Variants in INPP4A observed in about 807,000 individuals in gnomAD.
INPP4A encodes the protein inositol polyphosphate-4-phosphatase, type I, 107kD.
In INPP4A, 33 loss-of-function variants were observed where a neutral mutation model predicts 119.8. The ratio of observed to expected loss-of-function variants is 0.28; its 90% confidence interval spans 0.21 to 0.37. The LOEUF is 0.37. INPP4A is among the 10% of genes least tolerant of loss of function. The pLI is 1.00. For synonymous variants in INPP4A, 496 were observed against 500.7 expected (o/e 0.99, Z 0.12); for missense variants, 956 against 1,289.9 (o/e 0.74, Z 3.97).
intron 1 of INPP4A, among the ~76,000 whole-genome samples, chr2:98,460,131 GTA>G (rs1491045615): frequency 4.0e-4 from 56 of 139,398 alleles, no homozygotes; most frequent in South Asian, 1.1e-3. Flanking sequence ...GTGTGTGTGT[GTA>G]TGTTTAAAAT....
Position 98,555,673 on chromosome 2 carries a change from A to G in INPP4A, c.1687A>G (p.Ser563Gly). The change falls in exon 16 of 25, where the codon AGC becomes GGC. Residue 563 changes from serine to glycine, a missense_variant. Coordinates refer to ENST00000409851, the MANE Select transcript of INPP4A (RefSeq NM_001134225.2). The part of the protein sequence containing the change: ...GCEDVFPCAG[S>G]CTSKKGNPDS... ...TGAGGATGTCTTCCCCTGTGCAGGC[A>G]GCTGCACCAGCAAGAAAGGTAACCC... 2 of 1,613,950 alleles carry G rather than the reference A, an allele frequency of 1.2e-6. No homozygotes were observed. The highest frequency in any genetic ancestry group is 1.7e-6 in the Non-Finnish European group (2 of 1,179,868).
intron 7 of INPP4A, among the ~76,000 whole-genome samples, chr2:98,536,642 C>T (rs1052053048): frequency 5.3e-5 from 8 of 152,084 alleles, no homozygotes; most frequent in African/African-American, 1.9e-4. Flanking sequence ...CCACTGTCTC[C>T]CAGGATGGAA....
Position 98,591,149 on chromosome 2 carries a change from G to C in INPP4A, c.*3541G>C, listed in dbSNP as rs1340662735. The C allele has an allele frequency of 5.5e-6, 1 of 182,806 alleles. No individual in the cohort carries two copies. The highest frequency in any genetic ancestry group is 6.2e-5 in the Admixed American group (1 of 16,014). 11.3% of individuals were successfully genotyped at this position (182,806 alleles called of 1,614,324 possible). ...ATACCTGTCTTTCATTTTGATGCTT[G>C]TTCTGAAATGGAGTCCTGGCTTCAC... On this transcript the variant is annotated 3_prime_UTR_variant, in exon 25 of 25. Transcript: ENST00000409851.
rs1575207160 is a variant in INPP4A at position 98,587,457 on chromosome 2, G to T, written c.2787-19G>T. The T allele has an allele frequency of 1.9e-6, 3 of 1,548,878 alleles. No individual in the cohort carries two copies. The highest frequency in any genetic ancestry group is 2.6e-6 in the Non-Finnish European group (3 of 1,149,986). On this transcript the variant is annotated intron_variant, in intron 24 of 24. Coordinates refer to ENST00000409851, the MANE Select transcript of INPP4A (RefSeq NM_001134225.2). The stretch of plus-strand genomic sequence containing the variant: ...TCCTTTTTTACTGCCGTCATTTCTT[G>T]TGCTTGTTTTTTCCCCAGTGAGGGT...
At chr2:98,565,803 C>T (rs1191477644) in intron 20 of INPP4A, 37 bp downstream of exon 20, 14 of 1,595,766 alleles carry the variant, frequency 8.8e-6, no homozygotes, top group South Asian at 8.0e-5. Flanking sequence ...AGCCAGAGAG[C>T]GGTTTTCATT....
chr2:98,568,758 G>A (rs768816992), intron 22 of INPP4A, 90 bp downstream of exon 22: 2 of 714,968 alleles, frequency 2.8e-6, no homozygotes. Flanking sequence ...GCCTCTGTGA[G>A]TGCATGCCTG....
At chr2:98,556,321 G>A (rs1057486019) in intron 16 of INPP4A, among the ~76,000 whole-genome samples, 2 of 152,188 alleles carry the variant, frequency 1.3e-5, no homozygotes, top group Non-Finnish European at 2.9e-5. Flanking sequence ...TGTTGCCTTG[G>A]GACTTGGTAA....
Position 98,547,594 on chromosome 2 carries a change from C to G in INPP4A, c.1163+900C>G, listed in dbSNP as rs74449913. Among the ~76,000 whole-genome samples the G allele has an allele frequency of 6.8e-4, 103 of 152,080 alleles. 2 individuals are homozygous for G. The East Asian group carries it at 0.01, about 15-fold the overall frequency. ...CAGTAAGATCCTTGGACTGTGACCA[C>G]AAAGTAGAGGAAGTAGCATGAGGTG... is the stretch of plus-strand genomic sequence containing the variant. On this transcript the variant is annotated intron_variant, in intron 13 of 24. Transcript: ENST00000409851.
chr2:98,540,619 C>T (rs903165146), intron 10 of INPP4A, among the ~76,000 whole-genome samples: 11 of 152,228 alleles, frequency 7.2e-5, no homozygotes, highest in Non-Finnish European at 1.6e-4. Flanking sequence ...AAGCATGGTA[C>T]TGGCATCTGG....
chr2:98,585,878 A>T (rs1164923023), intron 24 of INPP4A, among the ~76,000 whole-genome samples: 1 of 152,258 alleles, frequency 6.6e-6, no homozygotes, highest in Non-Finnish European at 1.5e-5. Context: ...TCCTCACGGC[A>T]GTTTAGCATT....
intron 8 of INPP4A, 138 bp downstream of exon 8, chr2:98,538,112 C>A: frequency 1.6e-6 from 1 of 617,560 alleles, no homozygotes; most frequent in South Asian, 2.0e-5. Flanking sequence ...CACGGACACT[C>A]CGGTCCTCCT....
In INPP4A at chr2:98,482,538, AG is replaced by A. The variant is rs1678682532; in HGVS notation, c.-165-36422del. ...CAACTGGCTGTCCTGGAAAGCAGAG[AG>A]GGGCAGCTGTGGGCCTCTGTGCAAT... On this transcript the variant is annotated intron_variant, in intron 1 of 24. Coordinates refer to ENST00000409851, the MANE Select transcript of INPP4A (RefSeq NM_001134225.2). Among the ~76,000 whole-genome samples the A allele has an allele frequency of 2.0e-5, 3 of 152,354 alleles. No individual in the cohort carries two copies. In the South Asian group the frequency reaches 6.2e-4, roughly 32 times the overall value.
intron 24 of INPP4A, chr2:98,581,647 A>G (rs758972760): frequency 3.1e-6 from 5 of 1,590,914 alleles, no homozygotes; most frequent in Admixed American, 1.8e-5. Context: ...TTAAGGCTAG[A>G]CCCCAGCCTC....
At chr2:98,534,691 G>A (rs561019535) in intron 5 of INPP4A, among the ~76,000 whole-genome samples, 1 of 152,328 alleles carries the variant, frequency 6.6e-6, no homozygotes, top group South Asian at 2.1e-4. Context: ...CTTGAAGGCC[G>A]TGGAGTTTAT....
At chr2:98,445,286 C>T (rs1353653127) in intron 1 of INPP4A, among the ~76,000 whole-genome samples, 2 of 152,094 alleles carry the variant, frequency 1.3e-5, no homozygotes, top group African/African-American at 2.4e-5. Flanking sequence ...CCGAGCCCGG[C>T]CGACCCCCAG....
intron 23 of INPP4A, among the ~76,000 whole-genome samples, chr2:98,574,141 T>A (rs1368086636): frequency 2.6e-5 from 4 of 152,160 alleles, no homozygotes; most frequent in Non-Finnish European, 5.9e-5. Flanking sequence ...TGGCATTGCT[T>A]GCTCAGGCCA....
At chr2:98,564,168 A>G (rs1247503810) in intron 18 of INPP4A, among the ~76,000 whole-genome samples, 2 of 152,186 alleles carry the variant, frequency 1.3e-5, no homozygotes, top group Non-Finnish European at 2.9e-5. Context: ...GGTTCTCTAC[A>G]GGTTCCCTCA....
chr2:98,453,120 C>A (rs1378660197), intron 1 of INPP4A, among the ~76,000 whole-genome samples: 1 of 152,192 alleles, frequency 6.6e-6, no homozygotes, highest in Non-Finnish European at 1.5e-5. Flanking sequence ...TTTGTGAGAT[C>A]ACAATGACCC....
intron 1 of INPP4A, among the ~76,000 whole-genome samples, chr2:98,483,619 C>T (rs558237107): frequency 6.6e-6 from 1 of 152,290 alleles, no homozygotes; most frequent in South Asian, 2.1e-4. Context: ...GCAGGTTCAT[C>T]CTACACTGAA....
Sources: gnomAD v4.1 joint callset for allele counts (sites outside exome capture counted in the v4.1 genomes callset) on GRCh38, gnomAD v4.1.1 for gene constraint, MANE v1.5 for transcripts, NCBI Gene and HGNC (gene_info 2026-07-23, HGNC 2026-07-21) for gene names.